Variants in NPAS3 observed in about 807,000 individuals in gnomAD.
The protein encoded by NPAS3 is neuronal PAS domain-containing protein 3.
Under a neutral mutation model 73.1 loss-of-function variants are expected in NPAS3, and 14 were observed. That is an observed-to-expected ratio of 0.19 (90% confidence interval 0.13 to 0.30). The LOEUF is 0.30. Among genes scored for constraint, NPAS3 ranks in the 10% least tolerant of loss-of-function variants. NPAS3 has a pLI of 1.00. For missense variants in NPAS3, 1,096 were observed against 1,250.0 expected (o/e 0.88, Z 1.86); for synonymous variants, 620 against 541.5 (o/e 1.14, Z -2.01).
At position 33,409,616 on chromosome 14, in the gene NPAS3, A is replaced by G. The variant is rs1480772742; in HGVS notation, c.468+42348A>G. On this transcript the variant is annotated intron_variant, in intron 4 of 11. Transcript: ENST00000356141. ...AATGTGGAAAAGTGGGATTTATTCAATTTACTAGCTTAATTTGAGAGTAGA... is the reference window on the plus strand; with the variant it reads ...AATGTGGAAAAGTGGGATTTATTCAGTTTACTAGCTTAATTTGAGAGTAGA... Among the ~76,000 whole-genome samples the G allele has an allele frequency of 3.3e-5, 5 of 152,300 alleles. No individual in the cohort carries two copies. In the South Asian group the frequency reaches 6.2e-4, roughly 19 times the overall value.
chr14:33,511,997 C>G, intron 4 of NPAS3, among the ~76,000 whole-genome samples: 1 of 152,024 alleles, frequency 6.6e-6, no homozygotes, highest in African/African-American at 2.4e-5. Context: ...CTGGTCCACA[C>G]AGCATGGGTT....
chr14:33,357,763 C>T (rs960942466), intron 3 of NPAS3, among the ~76,000 whole-genome samples: 1 of 152,196 alleles, frequency 6.6e-6, no homozygotes, highest in Non-Finnish European at 1.5e-5. Flanking sequence ...GGGAAGGTGA[C>T]TTGCTAGTGG....
intron 2 of NPAS3, among the ~76,000 whole-genome samples, chr14:33,087,692 C>A (rs924243663): frequency 6.6e-6 from 1 of 152,062 alleles, no homozygotes; most frequent in South Asian, 2.1e-4. Flanking sequence ...AGTACTAAGT[C>A]ATTGTGCACA....
chr14:33,801,796 G>T (rs2063720604), downstream of NPAS3: 1 of 152,102 alleles, frequency 6.6e-6, no homozygotes, highest in South Asian at 2.1e-4. Flanking sequence ...CTAAAACCAT[G>T]GTGCTATCAT....
chr14:33,167,683 C>A (rs1045265529), intron 2 of NPAS3, among the ~76,000 whole-genome samples: 31 of 152,084 alleles, frequency 2.0e-4, no homozygotes, highest in African/African-American at 7.5e-4. Flanking sequence ...CATTTGTGAG[C>A]AATATGTTAA....
intron 1 of NPAS3, among the ~76,000 whole-genome samples, chr14:32,993,692 T>C (rs1404736924): frequency 1.3e-5 from 2 of 152,224 alleles, no homozygotes; most frequent in Non-Finnish European, 2.9e-5. Context: ...CAGATTATGG[T>C]TTTTATTTCC....
chr14:33,642,382 A>G (rs2058698437), intron 5 of NPAS3, among the ~76,000 whole-genome samples: 1 of 152,246 alleles, frequency 6.6e-6, no homozygotes, highest in Non-Finnish European at 1.5e-5. Flanking sequence ...AGCAAGCGGC[A>G]ATAGATAACT....
chr14:33,323,486 G>A (rs1473826311), intron 3 of NPAS3, among the ~76,000 whole-genome samples: 3 of 152,156 alleles, frequency 2.0e-5, no homozygotes, highest in African/African-American at 7.2e-5. Context: ...TGATCACAAT[G>A]TTCAGTAAAC....
At chr14:33,451,347 C>G (rs1377497006) in intron 4 of NPAS3, among the ~76,000 whole-genome samples, 1 of 152,132 alleles carries the variant, frequency 6.6e-6, no homozygotes, top group African/African-American at 2.4e-5. Context: ...TAAATCTGAG[C>G]CTTCTCCACT....
At chr14:33,402,015 C>G (rs563022824) in intron 4 of NPAS3, among the ~76,000 whole-genome samples, 1 of 152,136 alleles carries the variant, frequency 6.6e-6, no homozygotes, top group Admixed American at 6.5e-5. Flanking sequence ...GACTGATGAC[C>G]AAGGCATGTC....
chr14:33,722,123 A>C (rs548931409), intron 6 of NPAS3, among the ~76,000 whole-genome samples: 1 of 152,346 alleles, frequency 6.6e-6, no homozygotes, highest in South Asian at 2.1e-4. Context: ...GCATTATAGA[A>C]TATACCATTT....
intron 5 of NPAS3, among the ~76,000 whole-genome samples, chr14:33,654,533 A>C (rs1470989685): frequency 6.6e-6 from 1 of 152,050 alleles, no homozygotes; most frequent in Admixed American, 6.5e-5. Flanking sequence ...AAAATTCCCA[A>C]AAATTTAGGC....
chr14:33,409,052 A>T (rs952183299), intron 4 of NPAS3, among the ~76,000 whole-genome samples: 3 of 152,190 alleles, frequency 2.0e-5, no homozygotes, highest in African/African-American at 2.4e-5. Context: ...AAGTTCTCCC[A>T]CTGATAAAAT....
At chr14:33,148,923 G>A (rs2044345095) in intron 2 of NPAS3, among the ~76,000 whole-genome samples, 1 of 152,046 alleles carries the variant, frequency 6.6e-6, no homozygotes, top group African/African-American at 2.4e-5. Context: ...CTGGGCTCAA[G>A]GGATCCTCTC....
At chr14:33,515,903 C>T (rs1039014648) in intron 4 of NPAS3, among the ~76,000 whole-genome samples, 2 of 152,074 alleles carry the variant, frequency 1.3e-5, no homozygotes, top group Non-Finnish European at 2.9e-5. Flanking sequence ...ATGTTAAGAA[C>T]ATTATTGTTT....
chr14:33,613,149 T>C (rs574103553), intron 5 of NPAS3, among the ~76,000 whole-genome samples: 3 of 152,254 alleles, frequency 2.0e-5, no homozygotes, highest in East Asian at 1.9e-4. Flanking sequence ...GACAGAGAGA[T>C]TGAGTAGCCC....
intron 2 of NPAS3, among the ~76,000 whole-genome samples, chr14:33,168,666 A>T (rs1228399016): frequency 6.6e-6 from 1 of 152,034 alleles, no homozygotes. Flanking sequence ...ATGCTTCCCG[A>T]CTGCATTTTC....
intron 2 of NPAS3, among the ~76,000 whole-genome samples, chr14:33,080,983 A>G (rs1247294810): frequency 6.6e-6 from 1 of 152,216 alleles, no homozygotes; most frequent in Non-Finnish European, 1.5e-5. Context: ...TTATTTGGGA[A>G]GTAGGTTAGG....
At chr14:33,363,845 C>G (rs568507568) in intron 3 of NPAS3, among the ~76,000 whole-genome samples, 13 of 151,706 alleles carry the variant, frequency 8.6e-5, no homozygotes, top group African/African-American at 2.4e-4. Context: ...ATAGCTCTTA[C>G]GTCTCACTCT....
Sources: gnomAD v4.1 joint callset for allele counts (sites outside exome capture counted in the v4.1 genomes callset) on GRCh38, gnomAD v4.1.1 for gene constraint, MANE v1.5 for transcripts, NCBI Gene and HGNC (gene_info 2026-07-23, HGNC 2026-07-21) for gene names.